Variants in ZNF397 observed in about 807,000 individuals in gnomAD.
The protein encoded by ZNF397 is zinc finger and SCAN domain-containing protein 15.
A neutral mutation model predicts 50.6 loss-of-function variants in ZNF397; 38 were observed. That is an observed-to-expected ratio of 0.75 (90% confidence interval 0.58 to 0.98). The LOEUF (loss-of-function observed/expected upper bound fraction) is 0.98. ZNF397 is among the 50% of genes least tolerant of loss of function. ZNF397 has a pLI of 0.00. For synonymous variants in ZNF397, 228 were observed against 215.2 expected, an observed-to-expected ratio of 1.06 and a Z score of -0.52; for missense variants, 624 against 624.1, an observed-to-expected ratio of 1.00 and a Z score of 0.00.
At chr18:35,254,183 G>A, downstream of ZNF397, 1 of 1,614,170 alleles carries the variant, frequency 6.2e-7, no homozygotes, top group Non-Finnish European at 8.5e-7. Flanking sequence ...GTCCTGGGAA[G>A]GAAGCTGACT....
downstream of ZNF397, chr18:35,251,076 T>C (rs2043575074): frequency 6.6e-6 from 1 of 152,200 alleles, no homozygotes; most frequent in Admixed American, 6.5e-5. Context: ...AAAACTCAAG[T>C]TTTATTGCAA....
Position 35,245,323 on chromosome 18 carries a change from C to T in ZNF397, c.618C>T (p.Leu206=), listed in dbSNP as rs772926644. 4.3e-6 allele frequency: 7 copies of T among 1,613,046 alleles called. No individual in the cohort carries two copies. Among genetic ancestry groups the T allele is most frequent in the African/African-American group, 2.7e-5 (2 of 74,882 alleles). Residue 206 remains leucine (L), a synonymous_variant, in exon 4 of 4, where the codon CTC becomes CTT. Transcript: ENST00000330501. ...EGISEEKSQG[L]PQEPSFRGIS... Reference sequence around the variant, plus strand: ...TCTCAGAAGAAAAATCACAGGGACTCCCTCAGGAACCTTCATTTCGAGGAA... The same window carrying T: ...TCTCAGAAGAAAAATCACAGGGACTTCCTCAGGAACCTTCATTTCGAGGAA...
Position 35,245,851 on chromosome 18 carries a change from A to C in ZNF397, c.1146A>C (p.Ser382=). The C allele has an allele frequency of 1.3e-6, 2 of 1,553,322 alleles. No individual in the cohort carries two copies. The highest frequency in any genetic ancestry group is 8.7e-7 in the Non-Finnish European group (1 of 1,147,906). Residue 382 remains serine, a synonymous_variant, in exon 4 of 4, where the codon TCA becomes TCC. Transcript: ENST00000330501. ...GTGGCAAAGCATTCAGTCAAAGTTC[A>C]TATCTCATTATACATCAAAGAATTC... ...NECGKAFSQS[S]YLIIHQRIHT...
intron 3 of ZNF397, among the ~76,000 whole-genome samples, chr18:35,244,451 T>C (rs1598581181): frequency 1.3e-5 from 2 of 152,230 alleles, no homozygotes; most frequent in Admixed American, 1.3e-4. Flanking sequence ...GGGCAGACAT[T>C]AGTCAGACAA....
At position 35,246,445 on chromosome 18, in the gene ZNF397, A is replaced by G. The variant is rs2043483806; in HGVS notation, c.*135A>G. ...TTGAGTCTAGCTTGCTTTGTGCAGC[A>G]TTTCCCAGTGCTAATGTAAAGTGTC... On this transcript the variant is annotated 3_prime_UTR_variant, in exon 4 of 4. Transcript: ENST00000330501. 4.2e-6 allele frequency: 6 copies of G among 1,442,670 alleles called. No homozygotes were observed. The highest frequency in any genetic ancestry group is 5.5e-6 in the Non-Finnish European group (6 of 1,100,362). 89.4% of individuals were successfully genotyped at this position (1,442,670 alleles called of 1,614,324 possible). A position where few individuals can be genotyped will look rare whatever the true frequency, so the allele number is the denominator to read the frequency against.
At position 35,242,508 on chromosome 18, in the gene ZNF397, C is replaced by A. The variant is rs140271957; in HGVS notation, c.38C>A (p.Pro13His). 401 of 1,613,950 alleles carry A rather than the reference C, an allele frequency of 2.5e-4. No individual in the cohort carries two copies. The highest frequency in any genetic ancestry group is 3.2e-4 in the Non-Finnish European group (373 of 1,179,972). Residue 13 changes from proline to histidine, a missense_variant, in exon 2 of 4, where the codon CCT (proline) becomes CAT (histidine). Coordinates refer to ENST00000330501, the MANE Select transcript of ZNF397 (RefSeq NM_001135178.3). Reference protein sequence around the residue: ...VESGVISTLIPQDPPEQELIL... With the variant: ...VESGVISTLIHQDPPEQELIL... Reference sequence around the variant, plus strand: ...TCTGGAGTGATTTCAACCCTGATACCTCAGGATCCTCCGGAACAAGAACTA... The same window carrying A: ...TCTGGAGTGATTTCAACCCTGATACATCAGGATCCTCCGGAACAAGAACTA...
chr18:35,254,967 G>T (rs535960974), intron 5 of ZNF397: 1 of 154,206 alleles, frequency 6.5e-6, no homozygotes, highest in African/African-American at 2.4e-5. Context: ...CAGACCCAGA[G>T]AAAAGAAATA....
intron 3 of ZNF397, 81 bp from the exon 4 acceptor site, chr18:35,245,181 C>T: frequency 6.9e-7 from 1 of 1,448,444 alleles, no homozygotes; most frequent in Admixed American, 2.9e-5. Context: ...TAGGTAGAAG[C>T]TTCTGTTTTC....
Position 35,242,647 on chromosome 18 carries a change from G to A in ZNF397, c.177G>A (p.Gln59=). The change falls in exon 2 of 4, where the codon CAG becomes CAA. Residue 59 remains glutamine (Q), a synonymous_variant. Coordinates refer to ENST00000330501, the MANE Select transcript of ZNF397 (RefSeq NM_001135178.3). ...FRQQFRKFCY[Q]ETPGPREALS... is the part of the protein sequence containing the mutation. ...AGCAATTCAGAAAATTTTGCTACCA[G>A]GAGACACCTGGGCCCCGGGAGGCTC... 7 of 1,614,234 alleles carry A rather than the reference G, an allele frequency of 4.3e-6. No homozygotes were observed. The highest frequency in any genetic ancestry group is 5.9e-6 in the Non-Finnish European group (7 of 1,180,044).
Position 35,242,823 on chromosome 18 carries a change from G to C in ZNF397, c.353G>C (p.Gly118Ala). The change falls in exon 2 of 4, where the codon GGC becomes GCC. Residue 118 changes from glycine to alanine, a missense_variant. By Grantham distance (60) the Gly-to-Ala change is moderately conservative. Transcript: ENST00000330501. ...IWVQQHNPES[G>A]EEAVTLLEDL... ...GTTCAGCAACATAATCCAGAAAGCG[G>C]CGAGGAAGCTGTGACCCTGTTGGAG... 1.2e-6 allele frequency: 2 copies of C among 1,614,096 alleles called. No homozygotes were observed. The highest frequency in any genetic ancestry group is 1.7e-6 in the Non-Finnish European group (2 of 1,179,988).
At chr18:35,253,616 G>C (rs749468876), downstream of ZNF397, 1 of 1,613,942 alleles carries the variant, frequency 6.2e-7, no homozygotes, top group Admixed American at 1.7e-5. Context: ...ACATTCATAA[G>C]GTTTCTCTCC....
downstream of ZNF397, chr18:35,252,738 T>G (rs1254518580): frequency 2.0e-5 from 3 of 152,196 alleles, no homozygotes; most frequent in African/African-American, 7.2e-5. Flanking sequence ...TACCACACTT[T>G]ACTGTAATTA....
At chr18:35,253,796 G>C (rs139527278), downstream of ZNF397, 561 of 1,614,196 alleles carry the variant, frequency 3.5e-4, no homozygotes, top group African/African-American at 6.6e-3. Context: ...CTTCTCTCCA[G>C]TGTGGATTCT....
At chr18:35,244,922 T>C (rs371749117) in intron 3 of ZNF397, among the ~76,000 whole-genome samples, 6 of 152,100 alleles carry the variant, frequency 3.9e-5, no homozygotes, top group African/African-American at 7.2e-5. Context: ...GAGGGAGATA[T>C]GTAGGCAAGA....
At chr18:35,256,610 A>G (rs2043828873) in intron 5 of ZNF397, among the ~76,000 whole-genome samples, 1 of 152,210 alleles carries the variant, frequency 6.6e-6, no homozygotes, top group Admixed American at 6.5e-5. Context: ...ATACTTGCAT[A>G]GAGAGAACCC....
At position 35,242,752 on chromosome 18, in the gene ZNF397, A is replaced by G. The variant is rs1367894615; in HGVS notation, c.282A>G (p.Val94=). The stretch of plus-strand genomic sequence containing the variant: ...AGGAGCAGATCTTAGAACTGCTGGT[A>G]CTGGAGCAGTTCCTGAGCATTCTGC... ...HTKEQILELL[V]LEQFLSILPE... is the part of the protein sequence containing the mutation. Residue 94 remains valine, a synonymous_variant, in exon 2 of 4, where the codon GTA becomes GTG. Transcript: ENST00000330501. The G allele has an allele frequency of 6.2e-7, 1 of 1,614,208 alleles. No homozygotes were observed. Among genetic ancestry groups the G allele is most frequent in the Middle Eastern group, 1.7e-4 (1 of 6,050 alleles).
At chr18:35,257,231 G>A (rs924895046) in intron 5 of ZNF397, 6 of 152,368 alleles carry the variant, frequency 3.9e-5, no homozygotes, top group African/African-American at 1.4e-4. Flanking sequence ...GCATATTGAC[G>A]AGTATGCTTT....
chr18:35,245,560 T>C lies in ZNF397; in HGVS notation c.855T>C (p.Tyr285=), dbSNP rs1000012686. The C allele has an allele frequency of 3.2e-6, 5 of 1,552,540 alleles. No homozygotes were observed. The highest frequency in any genetic ancestry group is 1.2e-5 in the South Asian group (1 of 84,074). ...AAGTTCCTCCAGAAGAGAGACCTTA[T>C]AGATGTGATGTATGTGGGCACAGCT... is the stretch of plus-strand genomic sequence containing the variant. ...CQKVPPEERP[Y]RCDVCGHSFK... is the part of the protein sequence containing the mutation. Residue 285 remains tyrosine (Y), a synonymous_variant, in exon 4 of 4, where the codon TAT becomes TAC. Transcript: ENST00000330501.
chr18:35,245,781 A>T lies in ZNF397; in HGVS notation c.1076A>T (p.His359Leu). 1 of 1,552,240 alleles carries T rather than the reference A, an allele frequency of 6.4e-7. No individual in the cohort carries two copies. The highest frequency in any genetic ancestry group is 8.7e-7 in the Non-Finnish European group (1 of 1,147,168). ...AFNQSSALIR[H>L]RKIHTGEKAC... ...AATCAGAGCTCAGCCCTCATTAGACATCGGAAAATCCATACTGGTGAGAAA... is the reference window on the plus strand; with the variant it reads ...AATCAGAGCTCAGCCCTCATTAGACTTCGGAAAATCCATACTGGTGAGAAA... Residue 359 changes from histidine to leucine, a missense_variant, in exon 4 of 4, where the codon CAT becomes CTT. His to Leu is a moderately conservative substitution (Grantham distance 99). Coordinates refer to ENST00000330501, the MANE Select transcript of ZNF397 (RefSeq NM_001135178.3).
Sources: allele counts gnomAD v4.1 joint callset (sites outside exome capture counted in the v4.1 genomes callset), GRCh38; gene constraint gnomAD v4.1.1; transcripts MANE v1.5; gene names NCBI Gene and HGNC (gene_info 2026-07-23, HGNC 2026-07-21).